WAPL: variants seen among roughly 807,000 people sequenced by gnomAD.
The protein encoded by WAPL is WAPL cohesin release factor.
In WAPL, 5 loss-of-function variants were observed where a neutral mutation model predicts 121.0. That is an observed-to-expected ratio of 0.04 (90% CI 0.02 to 0.09). The LOEUF (loss-of-function observed/expected upper bound fraction) is 0.09. WAPL is among the 10% of genes least tolerant of loss of function. The pLI is 1.00. For synonymous variants in WAPL, 480 were observed against 481.5 expected (o/e 1.00, Z 0.04); for missense variants, 999 against 1,410.8 (o/e 0.71, Z 4.68).
intron 2 of WAPL, among the ~76,000 whole-genome samples, chr10:86,515,080 T>C (rs1000302092): frequency 1.3e-5 from 2 of 151,826 alleles, no homozygotes; most frequent in African/African-American, 4.8e-5. Flanking sequence ...GCCAACATGG[T>C]GAAACGCCGT....
chr10:86,452,212 C>A, intron 14 of WAPL, 81 bp from the exon 15 acceptor site: 6 of 1,338,478 alleles, frequency 4.5e-6, no homozygotes, highest in East Asian at 2.5e-5. Context: ...TTTTTAATGG[C>A]AACTAAAAAG....
At chr10:86,505,300 C>CATTTTTTTTTTTTT (rs1842325818) in intron 2 of WAPL, among the ~76,000 whole-genome samples, 1 of 44,638 alleles carries the variant, frequency 2.2e-5, no homozygotes, top group Non-Finnish European at 4.1e-5. Context: ...GTGCCCAACT[C>CATTTTTTTTTTTTT]TTTTTTTTTT....
chr10:86,477,771 A>C (rs1165007571), intron 4 of WAPL, among the ~76,000 whole-genome samples: 1 of 152,128 alleles, frequency 6.6e-6, no homozygotes, highest in Non-Finnish European at 1.5e-5. Flanking sequence ...ATTGCACTCC[A>C]GCCTGGGCAA....
chr10:86,477,671 AG>A (rs995911657), intron 4 of WAPL, among the ~76,000 whole-genome samples: 8 of 152,062 alleles, frequency 5.3e-5, no homozygotes, highest in African/African-American at 1.9e-4. Flanking sequence ...GTGTGGTGGC[AG>A]GCACTGTAGT....
At chr10:86,498,015 A>G (rs995062739) in intron 3 of WAPL, among the ~76,000 whole-genome samples, 1 of 152,232 alleles carries the variant, frequency 6.6e-6, no homozygotes, top group Non-Finnish European at 1.5e-5. Flanking sequence ...CACTTATGGT[A>G]TGAAGACTCA....
Position 86,472,581 on chromosome 10 carries a change from C to T in WAPL, c.1893+31G>A, listed in dbSNP as rs1335381840. ...AATGTTACATACAAAAATCTATCAA[C>T]ATGCAGTAAACACTGTATATGGCTG... On this transcript the variant is annotated intron_variant, in intron 6 of 18. Transcript: ENST00000298767. This position sits in a 1 kb window ranked among gnomAD's most constrained non-coding sequence, Gnocchi z 4.2. 6.3e-7 allele frequency: 1 copy of T among 1,596,452 alleles called. No individual in the cohort carries two copies. The highest frequency in any genetic ancestry group is 1.4e-5 in the African/African-American group (1 of 73,956).
Position 86,435,946 on chromosome 10 carries a change from TACTC to T in WAPL, c.*1593_*1596del, listed in dbSNP as rs1447416278. On this transcript the variant is annotated 3_prime_UTR_variant, in exon 19 of 19. Coordinates refer to ENST00000298767, the MANE Select transcript of WAPL (RefSeq NM_015045.5). Reference sequence around the variant, plus strand: ...AAGTATTTTGCTAAGCTAGCTTTAATACTCAGGGCAAATACAATCTCAATGGTTC... The same window carrying T: ...AAGTATTTTGCTAAGCTAGCTTTAATAGGGCAAATACAATCTCAATGGTTC... 36 of 152,398 alleles carry T rather than the reference TACTC, an allele frequency of 2.4e-4. No individual in the cohort carries two copies. Among genetic ancestry groups the T allele is most frequent in the African/African-American group, 8.4e-4 (35 of 41,582 alleles). The allele number at this position is 152,398 out of a possible 1,614,324, so 9.4% of individuals were successfully genotyped here. A position where few individuals can be genotyped will look rare whatever the true frequency, so the allele number is the denominator to read the frequency against.
chr10:86,450,855 C>T (rs1340640025), intron 15 of WAPL, among the ~76,000 whole-genome samples: 2 of 152,164 alleles, frequency 1.3e-5, no homozygotes, highest in East Asian at 3.8e-4. Flanking sequence ...TATCTATAGT[C>T]AACATTCAAT....
In WAPL at chr10:86,436,146, T is replaced by C. The variant is rs1348325560; in HGVS notation, c.*1397A>G. 2 of 152,602 alleles carry C rather than the reference T, an allele frequency of 1.3e-5. No homozygotes were observed. The highest frequency in any genetic ancestry group is 2.9e-5 in the Non-Finnish European group (2 of 68,028). The allele number at this position is 152,602 out of a possible 1,614,324, so 9.5% of individuals were successfully genotyped here. A position where few individuals can be genotyped will look rare whatever the true frequency, so the allele number is the denominator to read the frequency against. Reference sequence around the variant, plus strand: ...AAGGCAGCCACTGCATTTAAAAACATTACAGCTGGCACTGATACAAGAGCC... The same window carrying C: ...AAGGCAGCCACTGCATTTAAAAACACTACAGCTGGCACTGATACAAGAGCC... On this transcript the variant is annotated 3_prime_UTR_variant, in exon 19 of 19. Transcript: ENST00000298767.
intron 2 of WAPL, among the ~76,000 whole-genome samples, chr10:86,507,365 CAAA>C (rs34752630): frequency 5.7e-4 from 44 of 77,682 alleles, no homozygotes; most frequent in African/African-American, 2.3e-3. Flanking sequence ...GACTCTGTCT[CAAA>C]AAAAAAAAAA....
intron 2 of WAPL, among the ~76,000 whole-genome samples, chr10:86,501,090 C>T (rs1842238706): frequency 1.3e-5 from 2 of 152,114 alleles, no homozygotes; most frequent in African/African-American, 4.8e-5. Context: ...AATAAAGATG[C>T]TTAAATTAAA....
At chr10:86,439,002 G>T (rs945264162) in intron 17 of WAPL, among the ~76,000 whole-genome samples, 3 of 152,128 alleles carry the variant, frequency 2.0e-5, no homozygotes, top group Admixed American at 2.0e-4. Context: ...CCTGTAGTAA[G>T]GGGCAAAAGA....
rs1162655217 is a variant in WAPL, at chr10:86,438,377, C to G, written c.3412-362G>C. On this transcript the variant is annotated intron_variant, in intron 17 of 18. Transcript: ENST00000298767. ...CAAGTGATTCCCATGCCTCAGCCTC[C>G]CGGGTAGCCGGGATTAAAGGCACGT... Among the ~76,000 whole-genome samples, 3 of 152,270 alleles carry G rather than the reference C, an allele frequency of 2.0e-5. No homozygotes were observed. The East Asian group carries it at 5.8e-4, about 29-fold the overall frequency.
chr10:86,470,245 G>A (rs1006191956), intron 8 of WAPL, among the ~76,000 whole-genome samples: 2 of 152,112 alleles, frequency 1.3e-5, no homozygotes, highest in Non-Finnish European at 2.9e-5. Context: ...TGTTGGCCAG[G>A]CTGATCTCAA....
At chr10:86,483,758 T>G (rs2132205411) in intron 4 of WAPL, among the ~76,000 whole-genome samples, 1 of 130,220 alleles carries the variant, frequency 7.7e-6, no homozygotes, top group Non-Finnish European at 1.6e-5. Context: ...TGGTGTATCT[T>G]AAGTTTTTAA....
At chr10:86,479,583 T>C (rs1320284495) in intron 4 of WAPL, among the ~76,000 whole-genome samples, 1 of 152,218 alleles carries the variant, frequency 6.6e-6, no homozygotes, top group Non-Finnish European at 1.5e-5. Flanking sequence ...AAGCCATAAA[T>C]ACTTTATGAA....
rs368159568 is a variant in WAPL, at chr10:86,475,729, C to CAA, written c.1645-1758_1645-1757dup. 1.3e-3 allele frequency among the ~76,000 whole-genome samples: 196 copies of CAA among 152,318 alleles called. 1 individual carries two copies. Among genetic ancestry groups the CAA allele is most frequent in the African/African-American group, 4.2e-3 (174 of 41,584 alleles). On this transcript the variant is annotated intron_variant, in intron 4 of 18. Transcript: ENST00000298767. ...ACCTCTCTATTCCTTCCATTCTTTT[C>CAA]AAAGACCAGCTATGTAACTTGTGTG...
chr10:86,438,295 C>T (rs534407958), intron 17 of WAPL, among the ~76,000 whole-genome samples: 1 of 151,558 alleles, frequency 6.6e-6, no homozygotes, highest in Admixed American at 6.6e-5. Flanking sequence ...ACTCTGTTAC[C>T]CAGGCTGGAG....
intron 4 of WAPL, among the ~76,000 whole-genome samples, chr10:86,477,071 T>C (rs1308139642): frequency 2.0e-5 from 3 of 152,248 alleles, no homozygotes; most frequent in Non-Finnish European, 1.5e-5. Context: ...GACTTTTATT[T>C]CAGTGTCTTA....
Sources: gnomAD v4.1 joint callset for allele counts (sites outside exome capture counted in the v4.1 genomes callset) on GRCh38, gnomAD v4.1.1 for gene constraint, Gnocchi (gnomAD v3.1) non-coding constraint, MANE v1.5 for transcripts, NCBI Gene and HGNC (gene_info 2026-07-23, HGNC 2026-07-21) for gene names.